Variants in NAXD observed in about 807,000 individuals in gnomAD.
NAXD encodes NAD(P)HX dehydratase.
A neutral mutation model predicts 35.8 loss-of-function variants in NAXD; 22 were observed. The ratio of observed to expected loss-of-function variants is 0.62; its 90% CI spans 0.44 to 0.88. The LOEUF is 0.88. Among genes scored for constraint, NAXD ranks in the 40% least tolerant of loss-of-function variants. The probability of loss-of-function intolerance (pLI) is 0.00; values close to 1 mark genes in which losing one functional copy is unlikely to be tolerated. For synonymous variants in NAXD, 189 were observed against 177.6 expected, an observed-to-expected ratio of 1.06 and a Z score of -0.51; for missense variants, 428 against 437.7, an observed-to-expected ratio of 0.98 and a Z score of 0.20.
At chr13:110,632,860 C>CAA (rs1886762423) in intron 5 of NAXD, among the ~76,000 whole-genome samples, 1 of 150,252 alleles carries the variant, frequency 6.7e-6, no homozygotes, top group Non-Finnish European at 1.5e-5. Context: ...GGTGCACTCA[C>CAA]AAACCCTGAG....
intron 1 of NAXD, 29 bp downstream of exon 1, chr13:110,615,676 T>C (rs1221308432): frequency 1.4e-5 from 22 of 1,523,506 alleles, no homozygotes; most frequent in Non-Finnish European, 1.9e-5. Flanking sequence ...GGCCCGGGGA[T>C]GGTCACACGC....
rs187956235 is a variant in NAXD, at chr13:110,632,228, G to A, written c.442-2317G>A. 1.6e-3 allele frequency among the ~76,000 whole-genome samples: 240 copies of A among 151,450 alleles called. 3 individuals carry two copies. The highest frequency in any genetic ancestry group is 2.6e-3 in the Non-Finnish European group (175 of 67,910). On this transcript the variant is annotated intron_variant, in intron 5 of 9. Coordinates refer to ENST00000680254, the MANE Select transcript of NAXD (RefSeq NM_001242882.2). ...AGTGTTACAGCTCTTAAGGCAGCGC[G>A]TCTGGAGTTGTTCGTTCCTCCCGGT...
chr13:110,634,371 C>T (rs1279077952), intron 5 of NAXD, among the ~76,000 whole-genome samples, 174 bp from the exon 6 acceptor site: 1 of 152,120 alleles, frequency 6.6e-6, no homozygotes, highest in African/African-American at 2.4e-5. Flanking sequence ...ACCCTTATGC[C>T]TCTTTTAAAG....
chr13:110,622,274 T>C lies in NAXD; in HGVS notation c.105T>C (p.Thr35=). The C allele has an allele frequency of 6.2e-7, 1 of 1,614,192 alleles. No homozygotes were observed. The highest frequency in any genetic ancestry group is 1.1e-5 in the South Asian group (1 of 91,088). The stretch of plus-strand genomic sequence containing the variant: ...ATTCGATAAAGGATATGGAAAATAC[T>C]TTGCAGCTGGTGAGAAATATCATAC... ...KAHSIKDMEN[T]LQLVRNIIPP... The change falls in exon 2 of 10, where the codon ACT becomes ACC. Residue 35 remains threonine (T), a synonymous_variant. Coordinates refer to ENST00000680254, the MANE Select transcript of NAXD (RefSeq NM_001242882.2).
intron 1 of NAXD, among the ~76,000 whole-genome samples, chr13:110,616,918 A>G (rs988186696): frequency 4.6e-5 from 7 of 152,322 alleles, no homozygotes; most frequent in African/African-American, 1.4e-4. Flanking sequence ...ATCAGCACAC[A>G]CTGAGAATGC....
At chr13:110,621,631 G>A (rs932767555) in intron 1 of NAXD, among the ~76,000 whole-genome samples, 1 of 152,178 alleles carries the variant, frequency 6.6e-6, no homozygotes, top group Non-Finnish European at 1.5e-5. Flanking sequence ...AGGAGGTGGA[G>A]GTTGCAGTGA....
chr13:110,635,936 C>G (rs911155253), intron 8 of NAXD, among the ~76,000 whole-genome samples: 1 of 152,276 alleles, frequency 6.6e-6, no homozygotes, highest in Non-Finnish European at 1.5e-5. Flanking sequence ...CTTCATCTCA[C>G]CTGTGGCATC....
intron 5 of NAXD, 50 bp from the exon 6 acceptor site, chr13:110,634,485 GACACATACCC>G: frequency 6.5e-7 from 1 of 1,548,160 alleles, no homozygotes; most frequent in Admixed American, 1.7e-5. Context: ...GTTTTGAGAA[GACACATACCC>G]ACACCATAGC....
In NAXD at chr13:110,638,908, C is replaced by T. The variant is rs1421208174; in HGVS notation, c.*380C>T. 1.2e-5 allele frequency: 4 copies of T among 335,574 alleles called. No homozygotes were observed. Among genetic ancestry groups the T allele is most frequent in the South Asian group, 6.4e-5 (3 of 46,740 alleles). The allele number at this position is 335,574 out of a possible 1,614,324, so 20.8% of individuals were successfully genotyped here. A position where few individuals can be genotyped will look rare whatever the true frequency, so the allele number is the denominator to read the frequency against. Reference sequence around the variant, plus strand: ...TGTTACTCTCTCTGCCGGCGCCCTTCGTTCCTCCTCTGCTTCCCTTCCCTA... The same window carrying T: ...TGTTACTCTCTCTGCCGGCGCCCTTTGTTCCTCCTCTGCTTCCCTTCCCTA... On this transcript the variant is annotated 3_prime_UTR_variant, in exon 10 of 10. Transcript: ENST00000680254. The surrounding 1 kb of genome is among the most constrained non-coding windows in gnomAD (Gnocchi z 5.4).
chr13:110,620,425 C>A (rs1000684631), intron 1 of NAXD, among the ~76,000 whole-genome samples: 2 of 151,810 alleles, frequency 1.3e-5, no homozygotes, highest in Non-Finnish European at 2.9e-5. Context: ...GCTAAAAATA[C>A]AAAAATTAGC....
Position 110,624,257 on chromosome 13 carries a change from C to T in NAXD, c.221C>T (p.Ala74Val). ...AGGTACACTGGAGCCCCATATTTTG[C>T]AGCAATCTCAGCTCTCAAAGTGGTA... is the stretch of plus-strand genomic sequence containing the variant. ...CQEYTGAPYF[A>V]AISALKVGAD... Residue 74 changes from alanine to valine, a missense_variant, in exon 3 of 10, where the codon GCA becomes GTA. Around this residue, in one of 3 missense-constraint regions of NAXD, gnomAD observed 208 missense variants for 193.0 expected, o/e 1.08. Coordinates refer to ENST00000680254, the MANE Select transcript of NAXD (RefSeq NM_001242882.2). The T allele has an allele frequency of 3.1e-6, 5 of 1,608,188 alleles. No individual in the cohort carries two copies. Among genetic ancestry groups the T allele is most frequent in the South Asian group, 1.1e-5 (1 of 90,646 alleles).
intron 1 of NAXD, among the ~76,000 whole-genome samples, chr13:110,621,577 T>A (rs1485662069): frequency 6.6e-6 from 1 of 151,960 alleles, no homozygotes; most frequent in Non-Finnish European, 1.5e-5. Context: ...GTGCCTGTAA[T>A]CCCAGATACT....
Position 110,615,913 on chromosome 13 carries a change from G to C in NAXD, c.46+266G>C, listed in dbSNP as rs1278748313. ...CGGAGGCCTCCTGGAACGGCGCGGC[G>C]ACGGCTGGGCGCGGCTTGGGTGATG... On this transcript the variant is annotated intron_variant, in intron 1 of 9. Coordinates refer to ENST00000680254, the MANE Select transcript of NAXD (RefSeq NM_001242882.2). The C allele has an allele frequency of 1.5e-5, 10 of 667,048 alleles. No individual in the cohort carries two copies. The East Asian group carries it at 3.5e-4, about 24-fold the overall frequency. 41.3% of individuals were successfully genotyped at this position (667,048 alleles called of 1,614,324 possible).
Position 110,615,628 on chromosome 13 carries a change from A to G in NAXD, c.27A>G (p.Ala9=). 6.8e-7 allele frequency: 1 copy of G among 1,480,880 alleles called. No homozygotes were observed. Among genetic ancestry groups the G allele is most frequent in the Non-Finnish European group, 8.9e-7 (1 of 1,120,696 alleles). The allele number at this position is 1,480,880 out of a possible 1,614,324, so 91.7% of individuals were successfully genotyped here. The change falls in exon 1 of 10, where the codon GCA becomes GCG. Residue 9 remains alanine, a synonymous_variant. Transcript: ENST00000680254. ...TGGCCCTGGGTCCTCGCTGTGGGGCAATCCGGGCTTGCAGACGAGGTAAGG... is the reference window on the plus strand; with the variant it reads ...TGGCCCTGGGTCCTCGCTGTGGGGCGATCCGGGCTTGCAGACGAGGTAAGG... MALGPRCG[A]IRACRRVLER...
At chr13:110,631,049 G>A (rs1169552761) in intron 5 of NAXD, among the ~76,000 whole-genome samples, 1 of 152,150 alleles carries the variant, frequency 6.6e-6, no homozygotes. Flanking sequence ...ACTTTGGTAG[G>A]GATGATGTTG....
chr13:110,627,617 T>C, intron 5 of NAXD, 70 bp downstream of exon 5: 2 of 1,052,842 alleles, frequency 1.9e-6, no homozygotes, highest in Non-Finnish European at 3.0e-6. Context: ...AACAGAGGCA[T>C]TTCTCTTGCA....
intron 4 of NAXD, among the ~76,000 whole-genome samples, chr13:110,626,949 A>T (rs1003158398): frequency 6.6e-6 from 1 of 152,174 alleles, no homozygotes; most frequent in African/African-American, 2.4e-5. Context: ...CCACACATGT[A>T]TGTGATGGAA....
At chr13:110,622,658 A>G (rs1470827008) in intron 2 of NAXD, among the ~76,000 whole-genome samples, 1 of 152,192 alleles carries the variant, frequency 6.6e-6, no homozygotes, top group Non-Finnish European at 1.5e-5. Context: ...ACTTCATACC[A>G]CAAGCATGTT....
chr13:110,636,980 G>A, intron 8 of NAXD, 149 bp from the exon 9 acceptor site: 1 of 861,064 alleles, frequency 1.2e-6, no homozygotes, highest in Non-Finnish European at 1.7e-6. Context: ...AAACAGGGAA[G>A]AGCCGTAGCA....
Sources: allele counts gnomAD v4.1 joint callset (sites outside exome capture counted in the v4.1 genomes callset), GRCh38; gene constraint gnomAD v4.1.1; regional missense constraint gnomAD v4.1.1; non-coding constraint Gnocchi (gnomAD v3.1); transcripts MANE v1.5; gene names NCBI Gene and HGNC (gene_info 2026-07-23, HGNC 2026-07-21).